Variants in MYL3 observed in about 807,000 individuals in gnomAD.
MYL3 encodes the protein myosin light chain 3.
In MYL3, 11 loss-of-function variants were observed where a neutral mutation model predicts 21.3. That is an observed-to-expected ratio of 0.52 (90% confidence interval 0.32 to 0.85). The LOEUF (loss-of-function observed/expected upper bound fraction) is 0.85, where lower values mean the gene tolerates loss of function less well. Among genes scored for constraint, MYL3 ranks in the 40% least tolerant of loss-of-function variants. The pLI, the probability that MYL3 is intolerant of heterozygous loss-of-function variation, is 0.03. For missense variants in MYL3, 206 were observed against 253.3 expected (o/e 0.81, Z 1.27); for synonymous variants, 88 against 91.6 (o/e 0.96, Z 0.22).
intron 1 of MYL3, among the ~76,000 whole-genome samples, chr3:46,862,887 A>T (rs1702007330): frequency 6.6e-6 from 1 of 152,184 alleles, no homozygotes; most frequent in Admixed American, 6.5e-5. Context: ...GGGACCCCTC[A>T]GCTGAACAAG....
chr3:46,860,589 T>C lies in MYL3; in HGVS notation c.307+87A>G. 1.3e-5 allele frequency: 21 copies of C among 1,568,668 alleles called. No individual in the cohort carries two copies. The highest frequency in any genetic ancestry group is 1.7e-5 in the Non-Finnish European group (20 of 1,157,278). On this transcript the variant is annotated intron_variant, in intron 3 of 6. Coordinates refer to ENST00000292327, the MANE Select transcript of MYL3 (RefSeq NM_000258.3). The surrounding 1 kb of genome is among the most constrained non-coding windows in gnomAD (Gnocchi z 4.6). ...CAATGCGAGATGTCAGGAAAGATTC[T>C]CGTGCTATCCCGCAGGATGGATGGC...
intron 1 of MYL3, among the ~76,000 whole-genome samples, chr3:46,873,554 C>T (rs1207590735): frequency 2.0e-5 from 3 of 152,192 alleles, no homozygotes; most frequent in Admixed American, 6.5e-5. Context: ...GATGTGGGGC[C>T]GCTGAGTTTA....
chr3:46,867,635 C>T (rs1198088666), upstream of MYL3, among the ~76,000 whole-genome samples: 7 of 152,248 alleles, frequency 4.6e-5, no homozygotes, highest in East Asian at 3.9e-4. Context: ...CCGCAGTCTC[C>T]GCAGGCAGCC....
Position 46,874,289 on chromosome 3 carries a change from C to T in MYL3, c.-217-7689G>A, listed in dbSNP as rs149877616. ...CAGCCCTAGAGACATTCCCAGTGTC[C>T]GCCAGCTCATTGCCTTGCCCCAGCC... On this transcript the variant is annotated intron_variant, in intron 1 of 3. Coordinates refer to the MYL3 transcript ENST00000431168. This position sits in a 1 kb window ranked among gnomAD's most constrained non-coding sequence, Gnocchi z 4.1. 3.8e-3 allele frequency among the ~76,000 whole-genome samples: 575 copies of T among 152,266 alleles called. 5 individuals carry two copies. Among genetic ancestry groups the T allele is most frequent in the African/African-American group, 0.013 (555 of 41,534 alleles).
At chr3:46,872,989 G>C (rs1224887016) in intron 1 of MYL3, among the ~76,000 whole-genome samples, 1 of 152,222 alleles carries the variant, frequency 6.6e-6, no homozygotes, top group African/African-American at 2.4e-5. Context: ...CAATAGGTGT[G>C]CCCTCCCCCA....
At position 46,879,073 on chromosome 3, in the gene MYL3, C is replaced by T. The variant is rs892573696; in HGVS notation, c.-218+3001G>A. 6.6e-6 allele frequency among the ~76,000 whole-genome samples: 1 copy of T among 152,222 alleles called. No individual in the cohort carries two copies. The highest frequency in any genetic ancestry group is 1.9e-4 in the East Asian group (1 of 5,184). ...TGTGACACCCCCACCCTCATGGTAGCACTTTAACCAGAGGCCCGAGGGTGA... is the reference window on the plus strand; with the variant it reads ...TGTGACACCCCCACCCTCATGGTAGTACTTTAACCAGAGGCCCGAGGGTGA... On this transcript the variant is annotated intron_variant, in intron 1 of 3. Coordinates refer to the MYL3 transcript ENST00000431168. This position sits in a 1 kb window ranked among gnomAD's most constrained non-coding sequence, Gnocchi z 4.7.
chr3:46,865,894 G>GA (rs1389699284), upstream of MYL3, among the ~76,000 whole-genome samples: 4 of 152,182 alleles, frequency 2.6e-5, no homozygotes, highest in Non-Finnish European at 5.9e-5. This position sits in a 1 kb window ranked among gnomAD's most constrained non-coding sequence, Gnocchi z 4.3. Context: ...CTAGGGCCAG[G>GA]ATGGTGACTG....
chr3:46,859,391 G>T lies in MYL3; in HGVS notation c.481+84C>A. 6.4e-7 allele frequency: 1 copy of T among 1,557,578 alleles called. No homozygotes were observed. Among genetic ancestry groups the T allele is most frequent in the South Asian group, 1.1e-5 (1 of 89,478 alleles). ...TGTAACTCTCTCCATTTCACCAATG[G>T]GTCACAGGCCTGGGGGGCAACAGAG... On this transcript the variant is annotated intron_variant, in intron 4 of 6. Transcript: ENST00000292327. This position sits in a 1 kb window ranked among gnomAD's most constrained non-coding sequence, Gnocchi z 4.1.
chr3:46,870,479 G>A (rs938530003), intron 1 of MYL3, among the ~76,000 whole-genome samples: 1 of 151,830 alleles, frequency 6.6e-6, no homozygotes, highest in Non-Finnish European at 1.5e-5. Context: ...AGCCATGGTG[G>A]CCCCCTACAC....
chr3:46,875,021 A>G (rs2106927192), intron 1 of MYL3, among the ~76,000 whole-genome samples: 1 of 152,156 alleles, frequency 6.6e-6, no homozygotes, highest in African/African-American at 2.4e-5. Flanking sequence ...GAGAGAGTCC[A>G]CTCTAACCCG....
chr3:46,858,461 C>T lies in MYL3; in HGVS notation c.482G>A (p.Gly161Asp), dbSNP rs1057518300. The T allele has an allele frequency of 6.2e-7, 1 of 1,612,816 alleles. No homozygotes were observed. The highest frequency in any genetic ancestry group is 8.5e-7 in the Non-Finnish European group (1 of 1,179,996). Reference sequence around the variant, plus strand: ...CACTTCGTCTTCTGTCAGCCTCTCACCTGGCAGGAGTGGGAGGCTGAGTCA... The same window carrying T: ...CACTTCGTCTTCTGTCAGCCTCTCATCTGGCAGGAGTGGGAGGCTGAGTCA... ...AELRHVLATL[G>D]ERLTEDEVEK... Residue 161 changes from glycine (G) to aspartate (D), a missense_variant and splice_region_variant, in exon 5 of 7, where the codon GGT becomes GAT. Physicochemically the swap from Gly to Asp is moderately conservative, Grantham distance 94. Coordinates refer to ENST00000292327, the MANE Select transcript of MYL3 (RefSeq NM_000258.3).
At position 46,874,067 on chromosome 3, in the gene MYL3, C is replaced by T. The variant is rs1266991217; in HGVS notation, c.-217-7467G>A. Among the ~76,000 whole-genome samples, 1 of 152,250 alleles carries T rather than the reference C, an allele frequency of 6.6e-6. No individual in the cohort carries two copies. Among genetic ancestry groups the T allele is most frequent in the Non-Finnish European group, 1.5e-5 (1 of 68,046 alleles). On this transcript the variant is annotated intron_variant, in intron 1 of 3. Transcript: ENST00000431168. The surrounding 1 kb of genome is among the most constrained non-coding windows in gnomAD (Gnocchi z 4.1). ...CTCAGAGGGCACGGGTGTCGGAAGG[C>T]CTGGAGACTTGCTCTGGATGAGCGG...
chr3:46,881,279 G>A (rs370215923), intron 1 of MYL3, among the ~76,000 whole-genome samples: 3 of 152,160 alleles, frequency 2.0e-5, no homozygotes, highest in African/African-American at 4.8e-5. Context: ...GTAGGTTTGG[G>A]GTCGAAGGGC....
upstream of MYL3, chr3:46,866,588 A>G (rs937979290): frequency 6.6e-6 from 1 of 152,172 alleles, no homozygotes; most frequent in African/African-American, 2.4e-5. Context: ...CCACAGCTAC[A>G]TTTTCCCAGG....
Position 46,860,543 on chromosome 3 carries a change from G to A in MYL3, c.307+133C>T. ...CCTGGTCGGCATGGCCCTGTGACTG[G>A]CCTCGGTGCCCTCATCGGGACAATG... On this transcript the variant is annotated intron_variant, in intron 3 of 6. Coordinates refer to ENST00000292327, the MANE Select transcript of MYL3 (RefSeq NM_000258.3). This position sits in a 1 kb window ranked among gnomAD's most constrained non-coding sequence, Gnocchi z 4.6. 2 of 1,295,456 alleles carry A rather than the reference G, an allele frequency of 1.5e-6. No individual in the cohort carries two copies. The highest frequency in any genetic ancestry group is 2.1e-6 in the Non-Finnish European group (2 of 938,734). 80.2% of individuals were successfully genotyped at this position (1,295,456 alleles called of 1,614,324 possible). A position where few individuals can be genotyped will look rare whatever the true frequency, so the allele number is the denominator to read the frequency against.
chr3:46,871,852 G>C (rs867205924), intron 1 of MYL3, among the ~76,000 whole-genome samples: 1 of 152,220 alleles, frequency 6.6e-6, no homozygotes, highest in South Asian at 2.1e-4. Context: ...GAGCTCGGTT[G>C]GATGAGAAAC....
Position 46,860,722 on chromosome 3 carries a change from G to A in MYL3, c.261C>T (p.Pro87=), listed in dbSNP as rs556711370. The A allele has an allele frequency of 1.0e-4, 169 of 1,614,142 alleles. 3 individuals carry two copies. The South Asian group carries it at 1.7e-3, about 16-fold the overall frequency. The change falls in exon 3 of 7, where the codon CCC becomes CCT. Residue 87 remains proline, a synonymous_variant. Coordinates refer to ENST00000292327, the MANE Select transcript of MYL3 (RefSeq NM_000258.3). This position sits in a 1 kb window ranked among gnomAD's most constrained non-coding sequence, Gnocchi z 4.6. ...GDVLRALGQN[P]TQAEVLRVLG... is the part of the protein sequence containing the mutation. ...GGACACGGAGCACTTCTGCCTGTGT[G>A]GGGTTCTGGCCCAGCGCCCGCAGGA... is the stretch of plus-strand genomic sequence containing the variant.
chr3:46,870,844 ATG>A (rs1010173020), intron 1 of MYL3, among the ~76,000 whole-genome samples: 2 of 151,994 alleles, frequency 1.3e-5, no homozygotes, highest in African/African-American at 4.8e-5. Context: ...TCACACTGAA[ATG>A]TGTGTGTGCA....
chr3:46,870,069 AG>A (rs914650136), intron 1 of MYL3, among the ~76,000 whole-genome samples: 1 of 152,034 alleles, frequency 6.6e-6, no homozygotes, highest in Non-Finnish European at 1.5e-5. Flanking sequence ...AGTCAGAAAC[AG>A]GGGGGAGAGA....
Sources: gnomAD v4.1 joint callset for allele counts (sites outside exome capture counted in the v4.1 genomes callset) on GRCh38, gnomAD v4.1.1 for gene constraint, Gnocchi (gnomAD v3.1) non-coding constraint, MANE v1.5 for transcripts, NCBI Gene and HGNC (gene_info 2026-07-23, HGNC 2026-07-21) for gene names.